ETFA: variants seen among roughly 807,000 people sequenced by gnomAD.
ETFA encodes electron transfer flavoprotein subunit alpha.
In ETFA, 22 loss-of-function variants were observed where a neutral mutation model predicts 46.2. The observed-to-expected ratio is 0.48, with a 90% CI of 0.34 to 0.68. The LOEUF (loss-of-function observed/expected upper bound fraction) is 0.68, where lower values mean the gene tolerates loss of function less well. ETFA is among the 30% of genes least tolerant of loss of function. ETFA has a pLI of 0.01. For missense variants in ETFA, 345 were observed against 401.1 expected, an observed-to-expected ratio of 0.86 and a Z score of 1.19; for synonymous variants, 131 against 139.9, an observed-to-expected ratio of 0.94 and a Z score of 0.45.
intron 8 of ETFA, among the ~76,000 whole-genome samples, chr15:76,278,693 A>G (rs1452039610): frequency 6.6e-6 from 1 of 152,186 alleles, no homozygotes; most frequent in Non-Finnish European, 1.5e-5. Flanking sequence ...CAAACTTCCT[A>G]TACCTCTTTA....
intron 9 of ETFA, among the ~76,000 whole-genome samples, chr15:76,234,519 G>A (rs1452933206): frequency 6.6e-6 from 1 of 152,194 alleles, no homozygotes; most frequent in Non-Finnish European, 1.5e-5. Flanking sequence ...GAGAAAGTGA[G>A]AGATGTTGCC....
Position 76,244,944 on chromosome 15 carries a change from G to A in ETFA, c.817-13546C>T, listed in dbSNP as rs532287193. On this transcript the variant is annotated intron_variant, in intron 9 of 11. Transcript: ENST00000557943. ...ATATAATAAAATGATAATGGATAAA[G>A]AACTTCACTGATATTGGACCTCTGG... 3.9e-5 allele frequency among the ~76,000 whole-genome samples: 6 copies of A among 152,278 alleles called. No individual in the cohort carries two copies. The South Asian group carries it at 1.2e-3, about 32-fold the overall frequency.
intron 9 of ETFA, among the ~76,000 whole-genome samples, chr15:76,241,942 G>A (rs1349367964): frequency 1.3e-5 from 2 of 150,374 alleles, no homozygotes; most frequent in Admixed American, 6.6e-5. Flanking sequence ...GTTCAAGTGA[G>A]TCTCATGCTT....
chr15:76,292,594 A>AT (rs1567218397), intron 3 of ETFA, 25 bp downstream of exon 3: 8 of 1,601,922 alleles, frequency 5.0e-6, no homozygotes, highest in Non-Finnish European at 6.8e-6. Context: ...TAGACACTAC[A>AT]TTTTTTTCTA....
chr15:76,295,798 T>C (rs2039813135), intron 1 of ETFA, 61 bp from the exon 2 acceptor site: 5 of 1,443,202 alleles, frequency 3.5e-6, no homozygotes, highest in East Asian at 2.4e-5. Flanking sequence ...TTTTTTTTTT[T>C]TTTTTACTAA....
At chr15:76,275,880 T>C (rs185948926) in intron 8 of ETFA, among the ~76,000 whole-genome samples, 1 of 152,278 alleles carries the variant, frequency 6.6e-6, no homozygotes, top group East Asian at 1.9e-4. Flanking sequence ...TAATCCTAAT[T>C]CCTATCTCCT....
At chr15:76,298,239 T>C (rs902348234) in intron 1 of ETFA, among the ~76,000 whole-genome samples, 1 of 152,136 alleles carries the variant, frequency 6.6e-6, no homozygotes, top group Non-Finnish European at 1.5e-5. Context: ...GAGTGGGGTT[T>C]CACCATGTTG....
intron 9 of ETFA, 41 bp from the exon 10 acceptor site, chr15:76,231,439 T>C (rs757701872): frequency 8.1e-7 from 1 of 1,227,306 alleles, no homozygotes; most frequent in Non-Finnish European, 1.2e-6. Flanking sequence ...GTATTTATAT[T>C]ATATAATACT....
rs372401760 is a variant in ETFA, at chr15:76,283,854, T to G, written c.665-29A>C. 45 of 1,493,656 alleles carry G rather than the reference T, an allele frequency of 3.0e-5. 1 individual carries two copies. Among genetic ancestry groups the G allele is most frequent in the Non-Finnish European group, 3.7e-5 (40 of 1,073,684 alleles). The allele number at this position is 1,493,656 out of a possible 1,614,324, so 92.5% of individuals were successfully genotyped here. ...ATTTAAAAAGATGAAAAAAAAAAAT[T>G]AGGCAAACATCAAATACATTCTGGA... On this transcript the variant is annotated intron_variant, in intron 7 of 11. Coordinates refer to ENST00000557943, the MANE Select transcript of ETFA (RefSeq NM_000126.4).
At chr15:76,218,769 G>A (rs2038925272) in intron 11 of ETFA, among the ~76,000 whole-genome samples, 1 of 152,118 alleles carries the variant, frequency 6.6e-6, no homozygotes, top group Non-Finnish European at 1.5e-5. Flanking sequence ...TTTAAAAAAA[G>A]ACAACCTACT....
chr15:76,268,135 G>C (rs961866185), intron 9 of ETFA, among the ~76,000 whole-genome samples: 1 of 144,270 alleles, frequency 6.9e-6, no homozygotes, highest in Non-Finnish European at 1.5e-5. Flanking sequence ...ATTAACCAAA[G>C]AGGCAGAAGC....
At chr15:76,298,679 G>A (rs1328227357) in intron 1 of ETFA, among the ~76,000 whole-genome samples, 2 of 152,034 alleles carry the variant, frequency 1.3e-5, no homozygotes, top group Non-Finnish European at 2.9e-5. Flanking sequence ...CACAGTTTGA[G>A]TTCCTAATTA....
chr15:76,215,995 G>T lies in ETFA; in HGVS notation c.*564C>A, dbSNP rs543595645. 1.3e-5 allele frequency: 2 copies of T among 152,396 alleles called. No homozygotes were observed. The highest frequency in any genetic ancestry group is 2.9e-5 in the Non-Finnish European group (2 of 68,232). The allele number at this position is 152,396 out of a possible 1,614,324, so 9.4% of individuals were successfully genotyped here. A position where few individuals can be genotyped will look rare whatever the true frequency, so the allele number is the denominator to read the frequency against. ...TGGAGCTGGGTCAGGTTTAAGTCAG[G>T]TCTGCTTTTGTCACATTAGCTATGG... On this transcript the variant is annotated 3_prime_UTR_variant, in exon 12 of 12. Transcript: ENST00000557943.
chr15:76,276,885 C>A (rs1235011319), intron 8 of ETFA, among the ~76,000 whole-genome samples: 3 of 152,178 alleles, frequency 2.0e-5, no homozygotes, highest in Non-Finnish European at 2.9e-5. Context: ...GTATACTAAT[C>A]ACAGTTGTTT....
intron 7 of ETFA, 142 bp from the exon 8 acceptor site, chr15:76,283,967 T>C: frequency 7.7e-6 from 5 of 646,168 alleles, no homozygotes; most frequent in Non-Finnish European, 1.4e-5. Flanking sequence ...AAACCTTTTC[T>C]GGCCTCTGAC....
chr15:76,217,660 G>A (rs1168389684), intron 11 of ETFA: 4 of 453,572 alleles, frequency 8.8e-6, no homozygotes, highest in African/African-American at 8.1e-5. Flanking sequence ...TTGGACAGAG[G>A]AGAGCTGTCC....
chr15:76,259,067 C>G (rs2039375422), intron 9 of ETFA: 1 of 1,590,808 alleles, frequency 6.3e-7, no homozygotes, highest in Non-Finnish European at 8.6e-7. Flanking sequence ...CTGGCTGGTG[C>G]TCTGCCTGCC....
chr15:76,229,170 G>A (rs2039037675), intron 10 of ETFA: 2 of 152,200 alleles, frequency 1.3e-5, no homozygotes, highest in Non-Finnish European at 2.9e-5. Flanking sequence ...GAATGCAACT[G>A]TCAGATTTAA....
At chr15:76,301,600 C>T (rs926136226) in intron 1 of ETFA, among the ~76,000 whole-genome samples, 3 of 152,176 alleles carry the variant, frequency 2.0e-5, no homozygotes, top group African/African-American at 4.8e-5. Context: ...GTCCCAGCTA[C>T]TCAGGAGGCT....
Sources: allele counts gnomAD v4.1 joint callset (sites outside exome capture counted in the v4.1 genomes callset), GRCh38; gene constraint gnomAD v4.1.1; transcripts MANE v1.5; gene names NCBI Gene and HGNC (gene_info 2026-07-23, HGNC 2026-07-21).